Variants in CFAP57 observed in about 807,000 individuals in gnomAD.
CFAP57 encodes cilia- and flagella-associated protein 57.
In CFAP57, 116 loss-of-function variants were observed where a neutral mutation model predicts 146.8. The ratio of observed to expected loss-of-function variants is 0.79; its 90% CI spans 0.68 to 0.92. The LOEUF (loss-of-function observed/expected upper bound fraction) is 0.92, where lower values mean the gene tolerates loss of function less well. Among genes scored for constraint, CFAP57 ranks in the 40% least tolerant of loss-of-function variants. The probability of loss-of-function intolerance (pLI) is 0.00; values close to 1 mark genes in which losing one functional copy is unlikely to be tolerated. For missense variants in CFAP57, 1,377 were observed against 1,527.2 expected (o/e 0.90, Z 1.64); for synonymous variants, 518 against 552.8 (o/e 0.94, Z 0.88).
chr1:43,254,246 C>A lies in CFAP57; in HGVS notation c.*55C>A. 1 of 1,468,758 alleles carries A rather than the reference C, an allele frequency of 6.8e-7. No individual in the cohort carries two copies. The highest frequency in any genetic ancestry group is 9.2e-7 in the Non-Finnish European group (1 of 1,091,692). 91.0% of individuals were successfully genotyped at this position (1,468,758 alleles called of 1,614,324 possible). On this transcript the variant is annotated 3_prime_UTR_variant, in exon 23 of 23. Coordinates refer to ENST00000372492, the MANE Select transcript of CFAP57 (RefSeq NM_001378189.1). Reference sequence around the variant, plus strand: ...GCCAGAAGAAACACAGCATGTCTGTCCCCAAGCCAGACTTGCGGTTGGAGT... The same window carrying A: ...GCCAGAAGAAACACAGCATGTCTGTACCCAAGCCAGACTTGCGGTTGGAGT...
Position 43,222,246 on chromosome 1 carries a change from C to T in CFAP57, c.2483C>T (p.Thr828Ile). Residue 828 changes from threonine (T) to isoleucine (I), a missense_variant, in exon 15 of 23, where the codon ACT (threonine) becomes ATT (isoleucine). Thr to Ile is a moderately conservative substitution (Grantham distance 89, BLOSUM62 -1). Coordinates refer to ENST00000372492, the MANE Select transcript of CFAP57 (RefSeq NM_001378189.1). The part of the protein sequence containing the change: ...ETKSQALEEL[T>I]EFYEAKLQEK... Reference sequence around the variant, plus strand: ...AAGAGCCAGGCCCTGGAGGAGCTGACTGAGTTTTACGAGGCAAAACTGCAG... The same window carrying T: ...AAGAGCCAGGCCCTGGAGGAGCTGATTGAGTTTTACGAGGCAAAACTGCAG... The T allele has an allele frequency of 6.7e-7, 1 of 1,484,070 alleles. No homozygotes were observed. Among genetic ancestry groups the T allele is most frequent in the South Asian group, 1.4e-5 (1 of 73,158 alleles). 91.9% of individuals were successfully genotyped at this position (1,484,070 alleles called of 1,614,324 possible). A position where few individuals can be genotyped will look rare whatever the true frequency, so the allele number is the denominator to read the frequency against.
intron 3 of CFAP57, among the ~76,000 whole-genome samples, chr1:43,182,259 T>C (rs931931110): frequency 2.8e-4 from 43 of 152,210 alleles, no homozygotes; most frequent in Non-Finnish European, 3.1e-4. Flanking sequence ...TGTAACATGG[T>C]AGGTCTTTAG....
At position 43,201,317 on chromosome 1, in the gene CFAP57, A is replaced by G. The variant is rs1644113156; in HGVS notation, c.1542+1814A>G. 6.6e-6 allele frequency among the ~76,000 whole-genome samples: 1 copy of G among 152,224 alleles called. No homozygotes were observed. The highest frequency in any genetic ancestry group is 1.5e-5 in the Non-Finnish European group (1 of 68,034). On this transcript the variant is annotated intron_variant, in intron 9 of 22. Transcript: ENST00000372492. The surrounding 1 kb of genome is among the most constrained non-coding windows in gnomAD (Gnocchi z 4.4). Reference sequence around the variant, plus strand: ...AACTTGGAATCAGATAATTATCTCAAAGAAGCCAAGGAACTAAACAATTTC... The same window carrying G: ...AACTTGGAATCAGATAATTATCTCAGAGAAGCCAAGGAACTAAACAATTTC...
chr1:43,252,275 CTGTT>C (rs1034388448), intron 22 of CFAP57, among the ~76,000 whole-genome samples: 1 of 152,082 alleles, frequency 6.6e-6, no homozygotes, highest in Non-Finnish European at 1.5e-5. Context: ...GGGTGAGAAA[CTGTT>C]TGTGTCAATC....
At chr1:43,227,254 G>C in intron 18 of CFAP57, 128 bp downstream of exon 18, 1 of 1,167,122 alleles carries the variant, frequency 8.6e-7, no homozygotes, top group Non-Finnish European at 1.1e-6. Context: ...GGTGTGTGCA[G>C]CCTCCAGTCC....
intron 6 of CFAP57, 121 bp downstream of exon 6, chr1:43,186,980 A>G: frequency 5.3e-6 from 6 of 1,131,906 alleles, no homozygotes; most frequent in Non-Finnish European, 7.7e-6. Flanking sequence ...TCCCCTTAAT[A>G]CAGAGCAAAA....
rs1782384 is a variant in CFAP57, at chr1:43,172,597, A to C, written c.-19-138A>C. 2,731 of 566,328 alleles carry C rather than the reference A, an allele frequency of 4.8e-3. 52 individuals are homozygous for C. The highest frequency in any genetic ancestry group is 0.029 in the South Asian group (1,644 of 57,284). The allele number at this position is 566,328 out of a possible 1,614,324, so 35.1% of individuals were successfully genotyped here. On this transcript the variant is annotated intron_variant, in intron 1 of 22. Coordinates refer to ENST00000372492, the MANE Select transcript of CFAP57 (RefSeq NM_001378189.1). ...GAAAGGGGAGGGACAAGGGGAGGGG[A>C]AAGGGGAGGGACAAGGGGAGGAGAA...
At chr1:43,248,497 T>A (rs1646203457) in intron 22 of CFAP57, among the ~76,000 whole-genome samples, 2 of 150,948 alleles carry the variant, frequency 1.3e-5, no homozygotes, top group Non-Finnish European at 3.0e-5. Context: ...TTTTTTTGTA[T>A]TTTTAGTAGA....
chr1:43,236,832 G>A (rs1438553073), intron 21 of CFAP57, among the ~76,000 whole-genome samples: 3 of 151,502 alleles, frequency 2.0e-5, no homozygotes, highest in Non-Finnish European at 4.4e-5. Context: ...TGGCATGAAC[G>A]TGGGAGGCAG....
chr1:43,210,030 C>T, intron 11 of CFAP57, 114 bp downstream of exon 11: 2 of 1,613,864 alleles, frequency 1.2e-6, no homozygotes, highest in South Asian at 1.1e-5. Flanking sequence ...CTTATTTATT[C>T]ATCCATCATT....
chr1:43,234,751 G>A lies in CFAP57; in HGVS notation c.3405+113G>A, dbSNP rs1396833635. The A allele has an allele frequency of 1.9e-5, 25 of 1,291,970 alleles. No individual in the cohort carries two copies. The East Asian group carries it at 6.3e-4, about 33-fold the overall frequency. The allele number at this position is 1,291,970 out of a possible 1,614,324, so 80.0% of individuals were successfully genotyped here. On this transcript the variant is annotated intron_variant, in intron 21 of 22. Coordinates refer to ENST00000372492, the MANE Select transcript of CFAP57 (RefSeq NM_001378189.1). ...TTCAGGGCTCCCCAGGTGTCTGGGG[G>A]CCCAGTAGCTCCCCCTAAAGTCTTA...
chr1:43,199,267 C>T (rs1570016390), intron 8 of CFAP57, 123 bp from the exon 9 acceptor site: 1 of 898,700 alleles, frequency 1.1e-6, no homozygotes, highest in Non-Finnish European at 1.9e-6. Context: ...GCACCTTCCC[C>T]CCACTCCCAC....
chr1:43,183,384 T>G (rs1218124417), intron 3 of CFAP57, among the ~76,000 whole-genome samples: 1 of 152,210 alleles, frequency 6.6e-6, no homozygotes, highest in Non-Finnish European at 1.5e-5. Context: ...ATTTCCTAGT[T>G]TGACTCCTAG....
At chr1:43,173,477 A>G (rs946617981) in intron 2 of CFAP57, among the ~76,000 whole-genome samples, 2 of 152,172 alleles carry the variant, frequency 1.3e-5, no homozygotes, top group Non-Finnish European at 2.9e-5. Context: ...CCCTACATAT[A>G]TGTCATATTT....
rs1465732936 is a variant in CFAP57 at position 43,222,223 on chromosome 1, G to C, written c.2460G>C (p.Lys820Asn). 2.0e-6 allele frequency: 3 copies of C among 1,524,008 alleles called. No homozygotes were observed. Among genetic ancestry groups the C allele is most frequent in the Admixed American group, 2.1e-5 (1 of 47,166 alleles). The allele number at this position is 1,524,008 out of a possible 1,614,324, so 94.4% of individuals were successfully genotyped here. A position where few individuals can be genotyped will look rare whatever the true frequency, so the allele number is the denominator to read the frequency against. Residue 820 changes from lysine (K) to asparagine (N), a missense_variant, in exon 15 of 23, where the codon AAG (lysine) becomes AAC (asparagine). Coordinates refer to ENST00000372492, the MANE Select transcript of CFAP57 (RefSeq NM_001378189.1). ...AGCTCCGGGATAACGATGAGACCAA[G>C]AGCCAGGCCCTGGAGGAGCTGACTG... ...EKQLRDNDET[K>N]SQALEELTEF...
intron 6 of CFAP57, among the ~76,000 whole-genome samples, chr1:43,190,627 G>A (rs1226180581): frequency 6.6e-6 from 1 of 151,894 alleles, no homozygotes; most frequent in African/African-American, 2.4e-5. Context: ...TGAAGATACT[G>A]TTTATCAGGC....
At chr1:43,236,590 TAAAAAAAAAAA>T (rs764205138) in intron 21 of CFAP57, among the ~76,000 whole-genome samples, 2 of 41,806 alleles carry the variant, frequency 4.8e-5, no homozygotes, top group Admixed American at 4.3e-4. Context: ...GAATAAGTGC[TAAAAAAAAAAA>T]AAAAAAAAAA....
chr1:43,185,247 C>A lies in CFAP57; in HGVS notation c.860C>A (p.Ala287Asp). ...CAGATGTCCATGCCCCAGGTGTTTG[C>A]CATTGCAGCCTATTCAAAGGGATTT... Reference protein sequence around the residue: ...HSQMSMPQVFAIAAYSKGFAC... With the variant: ...HSQMSMPQVFDIAAYSKGFAC... The change falls in exon 5 of 23, where the codon GCC becomes GAC. Residue 287 changes from alanine to aspartate, a missense_variant. Ala to Asp is a moderately radical substitution (Grantham distance 126). Coordinates refer to ENST00000372492, the MANE Select transcript of CFAP57 (RefSeq NM_001378189.1). 3 of 1,614,146 alleles carry A rather than the reference C, an allele frequency of 1.9e-6. No homozygotes were observed.
intron 16 of CFAP57, 83 bp downstream of exon 16, chr1:43,223,080 G>T: frequency 7.0e-7 from 1 of 1,422,204 alleles, no homozygotes; most frequent in East Asian, 2.5e-5. Flanking sequence ...CCGGCCTGGG[G>T]GTGCTGGCCA....
Sources: allele counts gnomAD v4.1 joint callset (sites outside exome capture counted in the v4.1 genomes callset), GRCh38; gene constraint gnomAD v4.1.1; non-coding constraint Gnocchi (gnomAD v3.1); transcripts MANE v1.5; gene names NCBI Gene and HGNC (gene_info 2026-07-23, HGNC 2026-07-21).